The following VWA8 variants were observed in gnomAD, a reference collection of about 807,000 sequenced individuals.
VWA8 encodes the protein von Willebrand factor A domain-containing protein 8.
Under a neutral mutation model 241.5 loss-of-function variants are expected in VWA8, and 221 were observed. The observed-to-expected ratio is 0.91, with a 90% CI of 0.82 to 1.02. The LOEUF is 1.02. Ranked by LOEUF, VWA8 falls within the 50% of genes least tolerant of loss-of-function variation. The probability of loss-of-function intolerance (pLI) is 0.00; values close to 1 mark genes in which losing one functional copy is unlikely to be tolerated. For missense variants in VWA8, 2,322 were observed against 2,328.7 expected (o/e 1.00, Z 0.06); for synonymous variants, 852 against 827.1 (o/e 1.03, Z -0.52).
At chr13:41,661,316 G>A (rs566896276) in intron 37 of VWA8, among the ~76,000 whole-genome samples, 1 of 152,304 alleles carries the variant, frequency 6.6e-6, no homozygotes, top group East Asian at 1.9e-4. Context: ...CAAATGCCAA[G>A]CTTTTAACTC....
rs200379192 is a variant in VWA8, at chr13:41,778,102, T to A, written c.2278-46A>T. 1.6e-3 allele frequency: 2,246 copies of A among 1,430,476 alleles called. 3 individuals are homozygous for A. The highest frequency in any genetic ancestry group is 2.1e-3 in the Non-Finnish European group (2,158 of 1,048,904). The allele number at this position is 1,430,476 out of a possible 1,614,324, so 88.6% of individuals were successfully genotyped here. On this transcript the variant is annotated intron_variant, in intron 19 of 44. Transcript: ENST00000379310. Reference sequence around the variant, plus strand: ...GGTTAACTGTTTTGTACAATCAAGGTTAAATAAGAAAGTTAACTATAAAGA... The same window carrying A: ...GGTTAACTGTTTTGTACAATCAAGGATAAATAAGAAAGTTAACTATAAAGA...
At chr13:41,843,763 C>T (rs1177652563) in intron 12 of VWA8, among the ~76,000 whole-genome samples, 1 of 152,132 alleles carries the variant, frequency 6.6e-6, no homozygotes, top group East Asian at 1.9e-4. Context: ...TTCCTGGAAA[C>T]ACACAACCTC....
chr13:41,758,404 A>ACGCTAG (rs2045712432), intron 21 of VWA8, among the ~76,000 whole-genome samples: 3 of 80,770 alleles, frequency 3.7e-5, no homozygotes, highest in African/African-American at 8.9e-5. Flanking sequence ...GCTAGTATAT[A>ACGCTAG]TATATATATA....
At chr13:41,746,810 T>C (rs1462088783) in intron 21 of VWA8, among the ~76,000 whole-genome samples, 1 of 152,228 alleles carries the variant, frequency 6.6e-6, no homozygotes, top group East Asian at 1.9e-4. Flanking sequence ...GGATTAGGAA[T>C]ATGATGCTAG....
intron 43 of VWA8, among the ~76,000 whole-genome samples, 199 bp downstream of exon 43, chr13:41,575,541 G>A (rs1435472191): frequency 6.9e-6 from 1 of 145,184 alleles, no homozygotes; most frequent in Non-Finnish European, 1.5e-5. Context: ...CTAAAAATAT[G>A]TAGGGGACAA....
intron 2 of VWA8, chr13:41,926,488 T>A (rs1876847022): frequency 1.9e-6 from 1 of 529,506 alleles, no homozygotes; most frequent in Admixed American, 2.0e-5. Flanking sequence ...CGGAACTCTA[T>A]CATAAGATGC....
intron 20 of VWA8, among the ~76,000 whole-genome samples, chr13:41,768,924 G>C (rs1324829739): frequency 7.5e-6 from 1 of 132,644 alleles, no homozygotes; most frequent in Non-Finnish European, 1.6e-5. Context: ...TTTTTTTTGA[G>C]ACAGAATCTT....
intron 9 of VWA8, among the ~76,000 whole-genome samples, chr13:41,881,499 A>T (rs1434645318): frequency 4.1e-5 from 1 of 24,272 alleles, no homozygotes; most frequent in Non-Finnish European, 7.7e-5. Flanking sequence ...CCGATTTCTC[A>T]ATCTTTTCCC....
chr13:41,588,545 A>C (rs2044434403), intron 41 of VWA8, among the ~76,000 whole-genome samples: 1 of 152,102 alleles, frequency 6.6e-6, no homozygotes, highest in Non-Finnish European at 1.5e-5. Context: ...ACACAGCAAG[A>C]ACTCATCTCT....
chr13:41,830,488 T>C (rs747743245), intron 14 of VWA8, 41 bp downstream of exon 14: 1 of 1,474,192 alleles, frequency 6.8e-7, no homozygotes, highest in Non-Finnish European at 9.4e-7. Context: ...ATTTTTAACT[T>C]AACAATAAAT....
intron 21 of VWA8, among the ~76,000 whole-genome samples, chr13:41,741,444 C>T (rs975551884): frequency 4.6e-5 from 7 of 152,182 alleles, no homozygotes; most frequent in African/African-American, 1.4e-4. Context: ...TCAAATCTCA[C>T]CTCCTCTTAG....
At chr13:41,950,603 C>T (rs948157450) in intron 1 of VWA8, among the ~76,000 whole-genome samples, 18 of 150,842 alleles carry the variant, frequency 1.2e-4, no homozygotes, top group Non-Finnish European at 2.2e-4. Context: ...CTCCTGACCT[C>T]GTGATCTGCC....
chr13:41,714,155 T>C (rs2045334672), intron 26 of VWA8, among the ~76,000 whole-genome samples: 2 of 152,038 alleles, frequency 1.3e-5, no homozygotes, highest in South Asian at 4.1e-4. Flanking sequence ...CTTCATTTAG[T>C]AAATATCATC....
intron 43 of VWA8, 30 bp from the exon 44 acceptor site, chr13:41,570,736 A>G (rs1288602623): frequency 2.5e-6 from 4 of 1,592,434 alleles, no homozygotes; most frequent in Non-Finnish European, 3.4e-6. Context: ...CACAAAAGCC[A>G]TGGCTGAGAA....
chr13:41,750,059 GC>G (rs2045643607), intron 21 of VWA8, among the ~76,000 whole-genome samples: 1 of 152,044 alleles, frequency 6.6e-6, no homozygotes, highest in African/African-American at 2.4e-5. Flanking sequence ...GGCCATGGTT[GC>G]CATAGATACT....
At chr13:41,593,945 T>C (rs943041393) in intron 40 of VWA8, among the ~76,000 whole-genome samples, 1 of 152,118 alleles carries the variant, frequency 6.6e-6, no homozygotes, top group African/African-American at 2.4e-5. Flanking sequence ...TTATTGGCCA[T>C]GGCACTGTCA....
chr13:41,902,469 C>G (rs1276935417), intron 4 of VWA8, among the ~76,000 whole-genome samples: 1 of 152,162 alleles, frequency 6.6e-6, no homozygotes, highest in East Asian at 1.9e-4. Context: ...TTATGCTACC[C>G]TTCTTTACTG....
intron 2 of VWA8, among the ~76,000 whole-genome samples, chr13:41,918,451 A>C (rs1181453608): frequency 6.6e-6 from 1 of 152,254 alleles, no homozygotes; most frequent in African/African-American, 2.4e-5. Context: ...GGGTACAAAA[A>C]TAAGAGTATA....
rs557898388 is a variant in VWA8, at chr13:41,699,002, T to C, written c.3564+69A>G. 3.2e-5 allele frequency: 51 copies of C among 1,596,272 alleles called. No individual in the cohort carries two copies. In the East Asian group the frequency reaches 4.0e-4, roughly 13 times the overall value. On this transcript the variant is annotated intron_variant, in intron 29 of 44. Transcript: ENST00000379310. ...TCATGAAAGCACATCTTTTCAGTTA[T>C]AGGTTTCTAATCACTCTTGCCTTTC...
Sources: gnomAD v4.1 joint callset for allele counts (sites outside exome capture counted in the v4.1 genomes callset) on GRCh38, gnomAD v4.1.1 for gene constraint, MANE v1.5 for transcripts, NCBI Gene and HGNC (gene_info 2026-07-23, HGNC 2026-07-21) for gene names.